The following KCNH7 variants were observed in gnomAD, a reference collection of about 807,000 sequenced individuals.
The protein encoded by KCNH7 is voltage-gated inwardly rectifying potassium channel KCNH7.
A neutral mutation model predicts 120.8 loss-of-function variants in KCNH7; 49 were observed. That is an observed-to-expected ratio of 0.41 (90% CI 0.32 to 0.51). The LOEUF is 0.51. Ranked by LOEUF, KCNH7 falls within the 20% of genes least tolerant of loss-of-function variation. The pLI, the probability that KCNH7 is intolerant of heterozygous loss-of-function variation, is 0.38. For missense variants in KCNH7, 1,097 were observed against 1,446.6 expected (o/e 0.76, Z 3.92); for synonymous variants, 547 against 516.1 (o/e 1.06, Z -0.81).
rs1325809684 is a variant in KCNH7 at position 162,746,269 on chromosome 2, A to G, written c.307+90268T>C. Among the ~76,000 whole-genome samples, 3 of 152,166 alleles carry G rather than the reference A, an allele frequency of 2.0e-5. No individual in the cohort carries two copies. In the South Asian group the frequency reaches 6.2e-4, roughly 31 times the overall value. On this transcript the variant is annotated intron_variant, in intron 2 of 15. Coordinates refer to ENST00000332142, the MANE Select transcript of KCNH7 (RefSeq NM_033272.4). The stretch of plus-strand genomic sequence containing the variant: ...GATTGCAGCAGAATCATTCTTAATA[A>G]TGCTACGGTAAAATTTAAGATACTC...
chr2:162,766,226 C>T (rs305684), intron 2 of KCNH7, among the ~76,000 whole-genome samples: 57,922 of 151,718 alleles, frequency 0.38, 12,164 homozygotes, highest in African/African-American at 0.57. Context: ...TGAAATTACC[C>T]GTGCCCCTTA....
intron 2 of KCNH7, among the ~76,000 whole-genome samples, chr2:162,643,367 A>G (rs943299970): frequency 2.0e-5 from 3 of 152,140 alleles, no homozygotes; most frequent in Non-Finnish European, 4.4e-5. Context: ...CAAAAAACAG[A>G]AAACAAAACC....
intron 2 of KCNH7, among the ~76,000 whole-genome samples, chr2:162,775,386 C>G (rs1278527269): frequency 4.6e-5 from 7 of 152,122 alleles, no homozygotes; most frequent in Non-Finnish European, 1.0e-4. Context: ...TTATTGTCTA[C>G]CATGCTTCTC....
At chr2:162,522,148 C>T (rs1691553328) in intron 3 of KCNH7, among the ~76,000 whole-genome samples, 1 of 151,866 alleles carries the variant, frequency 6.6e-6, no homozygotes, top group South Asian at 2.1e-4. Flanking sequence ...CAAGTAATTG[C>T]CAAGTTGAAA....
At chr2:162,532,483 T>C (rs948348575) in intron 3 of KCNH7, among the ~76,000 whole-genome samples, 14 of 151,750 alleles carry the variant, frequency 9.2e-5, no homozygotes, top group African/African-American at 2.9e-4. Flanking sequence ...TCGGCAACAG[T>C]TGATGTAAGA....
intron 2 of KCNH7, among the ~76,000 whole-genome samples, chr2:162,673,549 T>C (rs1385126534): frequency 1.3e-5 from 2 of 152,094 alleles, no homozygotes; most frequent in Admixed American, 1.3e-4. Flanking sequence ...GAAAACACCA[T>C]GCCCAATTGC....
At chr2:162,604,259 T>C (rs1263911108) in intron 2 of KCNH7, among the ~76,000 whole-genome samples, 1 of 152,148 alleles carries the variant, frequency 6.6e-6, no homozygotes, top group African/African-American at 2.4e-5. Context: ...TAGTAAGAAG[T>C]AGATATGAAT....
chr2:162,495,709 T>G (rs1354723938), intron 6 of KCNH7, among the ~76,000 whole-genome samples: 3 of 152,198 alleles, frequency 2.0e-5, no homozygotes, highest in East Asian at 3.9e-4. Context: ...TGCCAACATT[T>G]TAGACTAATC....
intron 2 of KCNH7, among the ~76,000 whole-genome samples, chr2:162,583,618 T>C (rs1693944168): frequency 6.6e-6 from 1 of 152,134 alleles, no homozygotes; most frequent in Non-Finnish European, 1.5e-5. Flanking sequence ...ATGTAAAATA[T>C]GTGAAAAGAC....
rs76537320 is a variant in KCNH7, at chr2:162,492,959, C to T, written c.1128+11484G>A. On this transcript the variant is annotated intron_variant, in intron 6 of 15. Transcript: ENST00000332142. ...ATTTTGTCTTGCCACTCTTAATGCA[C>T]AAGTCAGAGGCCCTAAGATAACTTC... Among the ~76,000 whole-genome samples the T allele has an allele frequency of 9.8e-3, 1,370 of 139,586 alleles. 29 individuals carry two copies. Among genetic ancestry groups the T allele is most frequent in the African/African-American group, 0.034 (1,304 of 38,048 alleles). 91.6% of individuals were successfully genotyped at this position (139,586 alleles called of 152,430 possible). A position where few individuals can be genotyped will look rare whatever the true frequency, so the allele number is the denominator to read the frequency against.
chr2:162,757,953 G>A (rs1286958722), intron 2 of KCNH7, among the ~76,000 whole-genome samples: 1 of 151,978 alleles, frequency 6.6e-6, no homozygotes, highest in Non-Finnish European at 1.5e-5. Flanking sequence ...ACTGTACTTG[G>A]GCAGAACCAA....
intron 8 of KCNH7, among the ~76,000 whole-genome samples, chr2:162,430,592 G>T (rs1285698400): frequency 1.3e-5 from 2 of 152,018 alleles, no homozygotes; most frequent in African/African-American, 2.4e-5. Flanking sequence ...CATATTGTTT[G>T]CTTTCCTTCT....
intron 2 of KCNH7, among the ~76,000 whole-genome samples, chr2:162,751,947 A>G (rs1302994746): frequency 6.6e-6 from 1 of 152,092 alleles, no homozygotes; most frequent in African/African-American, 2.4e-5. Flanking sequence ...TATTTTTAAC[A>G]CTAGAATAAA....
chr2:162,776,858 G>A (rs1001966547), intron 2 of KCNH7, among the ~76,000 whole-genome samples: 5 of 152,176 alleles, frequency 3.3e-5, no homozygotes, highest in Admixed American at 3.3e-4. Context: ...AGATGAACAT[G>A]AAGTAACTTT....
At chr2:162,764,699 G>C (rs1682710767) in intron 2 of KCNH7, among the ~76,000 whole-genome samples, 1 of 152,062 alleles carries the variant, frequency 6.6e-6, no homozygotes, top group Non-Finnish European at 1.5e-5. Context: ...CAATTCATGA[G>C]TTATTTTTAA....
At position 162,778,821 on chromosome 2, in the gene KCNH7, A is replaced by T. The variant is rs181465745; in HGVS notation, c.307+57716T>A. Among the ~76,000 whole-genome samples, 33 of 152,274 alleles carry T rather than the reference A, an allele frequency of 2.2e-4. No individual in the cohort carries two copies. The East Asian group carries it at 6.2e-3, about 29-fold the overall frequency. On this transcript the variant is annotated intron_variant, in intron 2 of 15. Transcript: ENST00000332142. Reference sequence around the variant, plus strand: ...CTATCAGACATCACTGCATAGCATGATATTCTGAAATAGAACTGACCTGTG... The same window carrying T: ...CTATCAGACATCACTGCATAGCATGTTATTCTGAAATAGAACTGACCTGTG...
At chr2:162,559,789 G>C (rs1358000867) in intron 2 of KCNH7, among the ~76,000 whole-genome samples, 1 of 152,198 alleles carries the variant, frequency 6.6e-6, no homozygotes, top group Non-Finnish European at 1.5e-5. Context: ...AGCTATAGTT[G>C]TATCTATGTG....
At chr2:162,681,436 T>C (rs1435008) in intron 2 of KCNH7, among the ~76,000 whole-genome samples, 3,855 of 151,816 alleles carry the variant, frequency 0.025, 73 homozygotes, top group East Asian at 0.05. Flanking sequence ...AGGTGTTCAT[T>C]TGTGATAATT....
chr2:162,663,908 A>C (rs1685051293), intron 2 of KCNH7, among the ~76,000 whole-genome samples: 1 of 152,174 alleles, frequency 6.6e-6, no homozygotes, highest in African/African-American at 2.4e-5. Context: ...TCACTGCCTT[A>C]CTGCAGAAAC....
Sources: gnomAD v4.1 joint callset for allele counts (sites outside exome capture counted in the v4.1 genomes callset) on GRCh38, gnomAD v4.1.1 for gene constraint, MANE v1.5 for transcripts, NCBI Gene and HGNC (gene_info 2026-07-23, HGNC 2026-07-21) for gene names.